Variants in ADCY5 observed in about 807,000 individuals in gnomAD.
The protein encoded by ADCY5 is adenylate cyclase type 5.
In ADCY5, 30 loss-of-function variants were observed where a neutral mutation model predicts 119.7. The ratio of observed to expected loss-of-function variants is 0.25; its 90% CI spans 0.19 to 0.34. The LOEUF (loss-of-function observed/expected upper bound fraction) is 0.34. ADCY5 is among the 10% of genes least tolerant of loss of function. ADCY5 has a pLI of 1.00. For synonymous variants in ADCY5, 753 were observed against 762.2 expected (o/e 0.99, Z 0.20); for missense variants, 1,324 against 1,775.2 (o/e 0.75, Z 4.57).
At chr3:123,417,241 A>G (rs1945204759) in intron 1 of ADCY5, among the ~76,000 whole-genome samples, 1 of 151,954 alleles carries the variant, frequency 6.6e-6, no homozygotes, top group African/African-American at 2.4e-5. Context: ...CTACCCCACC[A>G]CCACCATGTG....
chr3:123,311,037 G>A (rs186596374), intron 12 of ADCY5, among the ~76,000 whole-genome samples: 7 of 152,326 alleles, frequency 4.6e-5, no homozygotes, highest in East Asian at 3.9e-4. Context: ...TTCTCTCTTC[G>A]AAAAGGTTAA....
At chr3:123,380,249 G>A (rs1053316055) in intron 1 of ADCY5, among the ~76,000 whole-genome samples, 7 of 152,162 alleles carry the variant, frequency 4.6e-5, no homozygotes, top group African/African-American at 1.7e-4. Context: ...ACGTTTACAG[G>A]GAGCCAGCTG....
At chr3:123,397,073 C>G (rs1944620957) in intron 1 of ADCY5, among the ~76,000 whole-genome samples, 1 of 152,018 alleles carries the variant, frequency 6.6e-6, no homozygotes, top group Non-Finnish European at 1.5e-5. Context: ...TTCCACAAAC[C>G]CTCAATAAAC....
chr3:123,337,980 G>A (rs1029174277), intron 3 of ADCY5, among the ~76,000 whole-genome samples: 5 of 152,130 alleles, frequency 3.3e-5, no homozygotes, highest in South Asian at 2.1e-4. Context: ...TGAAGTCCAC[G>A]GCCTGTCCCC....
intron 8 of ADCY5, among the ~76,000 whole-genome samples, chr3:123,323,960 G>T (rs1202460334): frequency 5.3e-5 from 8 of 152,098 alleles, no homozygotes; most frequent in African/African-American, 1.9e-4. Flanking sequence ...CAATGGGGAG[G>T]GTGGCCAACT....
chr3:123,361,246 T>C (rs867714802), intron 1 of ADCY5, among the ~76,000 whole-genome samples: 1 of 152,182 alleles, frequency 6.6e-6, no homozygotes, highest in South Asian at 2.1e-4. Context: ...AGGGAACTCA[T>C]GGCTATGGGT....
In ADCY5 at chr3:123,352,090, T is replaced by C. The variant is rs1576611766; in HGVS notation, c.1284+342A>G. 6.6e-6 allele frequency among the ~76,000 whole-genome samples: 1 copy of C among 151,932 alleles called. No individual in the cohort carries two copies. The highest frequency in any genetic ancestry group is 2.1e-4 in the South Asian group (1 of 4,800). The stretch of plus-strand genomic sequence containing the variant: ...CTCCTTACTCCAACTCAAGGCGGGG[T>C]GCAGTGCGGGGAGGGAGTGGTGAGC... On this transcript the variant is annotated intron_variant, in intron 2 of 20. Transcript: ENST00000462833. This position sits in a 1 kb window ranked among gnomAD's most constrained non-coding sequence, Gnocchi z 4.8.
intron 1 of ADCY5, among the ~76,000 whole-genome samples, chr3:123,396,089 AGGGAG>A (rs1275816403): frequency 1.0e-5 from 1 of 97,728 alleles, no homozygotes; most frequent in Non-Finnish European, 2.0e-5. Context: ...GGAGGGAAGG[AGGGAG>A]GGAAGGAAGA....
At chr3:123,354,908 T>C (rs1942983380) in intron 1 of ADCY5, among the ~76,000 whole-genome samples, 1 of 152,190 alleles carries the variant, frequency 6.6e-6, no homozygotes, top group African/African-American at 2.4e-5. Flanking sequence ...CAACATACAT[T>C]AATAATTTTT....
At chr3:123,447,105 G>A (rs1212513066) in intron 1 of ADCY5, among the ~76,000 whole-genome samples, 1 of 152,148 alleles carries the variant, frequency 6.6e-6, no homozygotes, top group Non-Finnish European at 1.5e-5. Context: ...GGAAGAGATG[G>A]GAAACACTCC....
chr3:123,335,016 G>C (rs1368648369), intron 3 of ADCY5, among the ~76,000 whole-genome samples: 3 of 152,110 alleles, frequency 2.0e-5, no homozygotes, highest in African/African-American at 7.2e-5. Flanking sequence ...AATTCCCAGA[G>C]ACAGTAAACA....
At chr3:123,417,206 C>A (rs931936939) in intron 1 of ADCY5, among the ~76,000 whole-genome samples, 5 of 152,154 alleles carry the variant, frequency 3.3e-5, no homozygotes. Flanking sequence ...GATTTCTTGG[C>A]ATCCCCAAGG....
At chr3:123,438,593 T>C (rs962534) in intron 1 of ADCY5, among the ~76,000 whole-genome samples, 148,890 of 152,262 alleles carry the variant, frequency 0.98, 72,887 homozygotes, top group Middle Eastern at 1. Flanking sequence ...TACCTACCCC[T>C]GCCCCATAGC....
At position 123,352,733 on chromosome 3, in the gene ADCY5, G is replaced by T; in HGVS notation, c.1135-152C>A. 1.1e-6 allele frequency: 1 copy of T among 909,968 alleles called. No homozygotes were observed. Among genetic ancestry groups the T allele is most frequent in the Non-Finnish European group, 1.6e-6 (1 of 623,704 alleles). 56.4% of individuals were successfully genotyped at this position (909,968 alleles called of 1,614,324 possible). A position where few individuals can be genotyped will look rare whatever the true frequency, so the allele number is the denominator to read the frequency against. On this transcript the variant is annotated intron_variant, in intron 1 of 20. Coordinates refer to ENST00000462833, the MANE Select transcript of ADCY5 (RefSeq NM_183357.3). The surrounding 1 kb of genome is among the most constrained non-coding windows in gnomAD (Gnocchi z 4.8). ...CACACGCGGCCAACCACTGTGAGCAGCCGAGCATAATCGATCGGGCTCTCT... is the reference window on the plus strand; with the variant it reads ...CACACGCGGCCAACCACTGTGAGCATCCGAGCATAATCGATCGGGCTCTCT...
intron 12 of ADCY5, among the ~76,000 whole-genome samples, chr3:123,304,878 C>T (rs1057346972): frequency 6.6e-6 from 1 of 152,186 alleles, no homozygotes; most frequent in Non-Finnish European, 1.5e-5. Context: ...TCTGATGCAG[C>T]TGGCCTTGTA....
chr3:123,333,053 C>T (rs1306489928), intron 3 of ADCY5, among the ~76,000 whole-genome samples: 2 of 152,146 alleles, frequency 1.3e-5, no homozygotes, highest in African/African-American at 2.4e-5. Flanking sequence ...GCCACCACAC[C>T]TGGTTCCATT....
intron 5 of ADCY5, 41 bp from the exon 6 acceptor site, chr3:123,328,843 G>T: frequency 1.3e-6 from 2 of 1,596,602 alleles, no homozygotes; most frequent in Non-Finnish European, 8.6e-7. Flanking sequence ...AAGGCTGGAG[G>T]CCAGGCACAC....
chr3:123,376,186 G>C (rs1050127555), intron 1 of ADCY5, among the ~76,000 whole-genome samples: 1 of 151,824 alleles, frequency 6.6e-6, no homozygotes, highest in African/African-American at 2.4e-5. Context: ...GAAATGCCAA[G>C]AGTGTAGCTG....
chr3:123,321,212 T>C (rs1008037200), intron 8 of ADCY5, among the ~76,000 whole-genome samples: 1 of 152,194 alleles, frequency 6.6e-6, no homozygotes, highest in African/African-American at 2.4e-5. Flanking sequence ...CCTCCTTGTG[T>C]ACATCACACC....
Sources: allele counts gnomAD v4.1 joint callset (sites outside exome capture counted in the v4.1 genomes callset), GRCh38; gene constraint gnomAD v4.1.1; non-coding constraint Gnocchi (gnomAD v3.1); transcripts MANE v1.5; gene names NCBI Gene and HGNC (gene_info 2026-07-23, HGNC 2026-07-21).